The following SFXN5 variants were observed in gnomAD, a reference collection of about 807,000 sequenced individuals.
SFXN5 encodes sideroflexin 5.
SFXN5 carries 43 observed loss-of-function variants against 50.2 expected under a neutral mutation model. The ratio of observed to expected loss-of-function variants is 0.86; its 90% CI spans 0.67 to 1.11. SFXN5 has a LOEUF of 1.11. SFXN5 is among the 50% of genes least tolerant of loss of function. The pLI is 0.00. For missense variants in SFXN5, 463 were observed against 454.1 expected, an observed-to-expected ratio of 1.02 and a Z score of -0.18; for synonymous variants, 203 against 185.8, an observed-to-expected ratio of 1.09 and a Z score of -0.75.
intron 3 of SFXN5, among the ~76,000 whole-genome samples, chr2:73,039,447 T>C (rs2105917592): frequency 6.6e-6 from 1 of 152,364 alleles, no homozygotes; most frequent in South Asian, 2.1e-4. Flanking sequence ...CCAGTCTGAC[T>C]ATGCAGTAAA....
chr2:72,971,817 G>A, intron 10 of SFXN5, 132 bp from the exon 11 acceptor site: 1 of 654,250 alleles, frequency 1.5e-6, no homozygotes, highest in Non-Finnish European at 2.7e-6. Context: ...GGTTAGGGAA[G>A]GGGTGGTTCT....
chr2:73,008,086 TG>T (rs1330578252), intron 6 of SFXN5, among the ~76,000 whole-genome samples: 3 of 152,230 alleles, frequency 2.0e-5, no homozygotes. Context: ...AGGAGGGCCC[TG>T]GGAAACACCC....
At chr2:73,045,452 A>C (rs577496410) in intron 2 of SFXN5, among the ~76,000 whole-genome samples, 19 of 152,086 alleles carry the variant, frequency 1.2e-4, no homozygotes, top group African/African-American at 4.6e-4. Context: ...ACTTAGAGGA[A>C]GTAGGTACAG....
At chr2:73,019,126 C>CA (rs1676514946) in intron 6 of SFXN5, among the ~76,000 whole-genome samples, 1 of 152,154 alleles carries the variant, frequency 6.6e-6, no homozygotes, top group Non-Finnish European at 1.5e-5. Flanking sequence ...ACGAATGTTA[C>CA]AGATAACAAT....
intron 6 of SFXN5, among the ~76,000 whole-genome samples, chr2:73,006,119 C>G (rs1008485299): frequency 6.6e-6 from 1 of 152,092 alleles, no homozygotes; most frequent in African/African-American, 2.4e-5. Context: ...AGGCCTCATG[C>G]CTTCCTGCTT....
intron 2 of SFXN5, among the ~76,000 whole-genome samples, chr2:73,054,679 T>C (rs1017620905): frequency 6.6e-6 from 1 of 152,202 alleles, no homozygotes; most frequent in South Asian, 2.1e-4. Flanking sequence ...CCCTCTACCA[T>C]GTCTCAATAT....
intron 9 of SFXN5, 51 bp downstream of exon 9, chr2:72,998,898 G>T: frequency 6.3e-7 from 1 of 1,590,414 alleles, no homozygotes; most frequent in Non-Finnish European, 8.6e-7. Flanking sequence ...TGCTGAGCGG[G>T]GTGGCCCCAG....
intron 13 of SFXN5, chr2:72,957,145 C>G: frequency 2.2e-6 from 1 of 450,526 alleles, no homozygotes; most frequent in Non-Finnish European, 4.5e-6. Context: ...CAACTCCCCC[C>G]CATACACTGA....
chr2:73,070,159 G>A (rs943719750), intron 1 of SFXN5, among the ~76,000 whole-genome samples: 38 of 152,204 alleles, frequency 2.5e-4, no homozygotes, highest in African/African-American at 8.9e-4. Flanking sequence ...GGGGGTGGGA[G>A]CGGGGACAGG....
rs371727559 is a variant in SFXN5, at chr2:72,988,233, C to T, written c.625+25G>A. The T allele has an allele frequency of 1.9e-5, 30 of 1,608,668 alleles. No individual in the cohort carries two copies. The African/African-American group carries it at 2.3e-4, about 12-fold the overall frequency. On this transcript the variant is annotated intron_variant, in intron 10 of 13. Transcript: ENST00000272433. The stretch of plus-strand genomic sequence containing the variant: ...GTCCCCCACACCCACCCACAGCACA[C>T]ATCTATGTGGTGTGCAGGTCTTACC...
At chr2:72,949,279 A>T (rs1672277143) in intron 13 of SFXN5, among the ~76,000 whole-genome samples, 1 of 152,084 alleles carries the variant, frequency 6.6e-6, no homozygotes, top group Non-Finnish European at 1.5e-5. Flanking sequence ...GGCAATAGGG[A>T]GCCACAGAAG....
intron 12 of SFXN5, among the ~76,000 whole-genome samples, chr2:72,965,160 C>A (rs898675920): frequency 6.6e-6 from 1 of 152,152 alleles, no homozygotes; most frequent in Non-Finnish European, 1.5e-5. Flanking sequence ...AACACACAAG[C>A]GGCTGGACAG....
At chr2:73,054,128 G>T (rs530031462) in intron 2 of SFXN5, among the ~76,000 whole-genome samples, 13 of 152,280 alleles carry the variant, frequency 8.5e-5, no homozygotes, top group African/African-American at 3.1e-4. Flanking sequence ...GGCCCTTCCA[G>T]AGTTTGTGGA....
At chr2:72,989,349 A>G (rs1186244208) in intron 9 of SFXN5, among the ~76,000 whole-genome samples, 2 of 152,174 alleles carry the variant, frequency 1.3e-5, no homozygotes, top group Non-Finnish European at 2.9e-5. Context: ...TGAGGCAGGT[A>G]AGTCATTTCA....
rs563045331 is a variant in SFXN5, at chr2:72,961,340, C to G, written c.828-92G>C. On this transcript the variant is annotated intron_variant, in intron 12 of 13. Coordinates refer to ENST00000272433, the MANE Select transcript of SFXN5 (RefSeq NM_144579.3). The surrounding 1 kb of genome is among the most constrained non-coding windows in gnomAD (Gnocchi z 4.4). ...TGCTGGGTCCCACTCTGTCTCTGGG[C>G]CCAGGAAGCGTGGTTCCGGGGCAGT... The G allele has an allele frequency of 1.6e-3, 1,309 of 826,910 alleles. 19 individuals are homozygous for G. In the South Asian group the frequency reaches 0.018, roughly 12 times the overall value. The allele number at this position is 826,910 out of a possible 1,614,324, so 51.2% of individuals were successfully genotyped here.
rs527659048 is a variant in SFXN5, at chr2:72,972,643, T to C, written c.626-958A>G. On this transcript the variant is annotated intron_variant, in intron 10 of 13. Coordinates refer to ENST00000272433, the MANE Select transcript of SFXN5 (RefSeq NM_144579.3). ...GTGTGGGTGTTGACCCCGCCTGAAC[T>C]CTCCCAGCCCCGCTGCAGGATGGAA... 1.6e-4 allele frequency among the ~76,000 whole-genome samples: 25 copies of C among 151,552 alleles called. No homozygotes were observed. In the East Asian group the frequency reaches 4.9e-3, roughly 29 times the overall value.
At chr2:73,062,964 G>A (rs946806417) in intron 1 of SFXN5, among the ~76,000 whole-genome samples, 1 of 152,140 alleles carries the variant, frequency 6.6e-6, no homozygotes, top group Non-Finnish European at 1.5e-5. Context: ...ACCCACTACC[G>A]AGGATCTACT....
chr2:72,952,457 A>C (rs1367516392), intron 13 of SFXN5, among the ~76,000 whole-genome samples: 1 of 152,202 alleles, frequency 6.6e-6, no homozygotes, highest in Non-Finnish European at 1.5e-5. Flanking sequence ...GCAGCTCGGT[A>C]TCCCTATGCC....
intron 13 of SFXN5, among the ~76,000 whole-genome samples, chr2:72,949,175 A>G (rs1672263645): frequency 6.6e-6 from 1 of 152,136 alleles, no homozygotes; most frequent in Admixed American, 6.5e-5. Flanking sequence ...GAGGCGGGGC[A>G]ATGTTGGACT....
Sources: gnomAD v4.1 joint callset for allele counts (sites outside exome capture counted in the v4.1 genomes callset) on GRCh38, gnomAD v4.1.1 for gene constraint, Gnocchi (gnomAD v3.1) non-coding constraint, MANE v1.5 for transcripts, NCBI Gene and HGNC (gene_info 2026-07-23, HGNC 2026-07-21) for gene names.